SFMBT1: variants seen among roughly 807,000 people sequenced by gnomAD.
SFMBT1 encodes Scm like with four mbt domains 1, also known as scm-like with four MBT domains protein 1.
SFMBT1 carries 32 observed loss-of-function variants against 108.7 expected under a neutral mutation model. That is an observed-to-expected ratio of 0.29 (90% CI 0.22 to 0.40). SFMBT1 has a LOEUF of 0.40. Among genes scored for constraint, SFMBT1 ranks in the 10% least tolerant of loss-of-function variants. The probability of loss-of-function intolerance (pLI) is 1.00; values close to 1 mark genes in which losing one functional copy is unlikely to be tolerated. For missense variants in SFMBT1, 816 were observed against 1,059.6 expected, an observed-to-expected ratio of 0.77 and a Z score of 3.19; for synonymous variants, 348 against 369.5, an observed-to-expected ratio of 0.94 and a Z score of 0.67.
chr3:53,036,176 A>T (rs897152216), intron 1 of SFMBT1, among the ~76,000 whole-genome samples: 3 of 152,222 alleles, frequency 2.0e-5, no homozygotes, highest in Non-Finnish European at 4.4e-5. Context: ...TGCAGAATCC[A>T]CTGGGAAGGC....
intron 12 of SFMBT1, among the ~76,000 whole-genome samples, chr3:52,919,912 G>A (rs1323273599): frequency 6.6e-6 from 1 of 152,242 alleles, no homozygotes; most frequent in East Asian, 1.9e-4. Context: ...ATCCACCAAT[G>A]TGCTGGTATG....
chr3:52,934,662 T>C (rs1702951947), intron 5 of SFMBT1, 151 bp downstream of exon 5: 2 of 551,194 alleles, frequency 3.6e-6, no homozygotes, highest in African/African-American at 3.8e-5. Context: ...TTGCAACCTC[T>C]GAGGGTAAGT....
intron 2 of SFMBT1, among the ~76,000 whole-genome samples, chr3:52,955,633 A>T (rs1479981918): frequency 6.6e-6 from 1 of 152,050 alleles, no homozygotes; most frequent in African/African-American, 2.4e-5. Flanking sequence ...GGACACATAC[A>T]CCCTCCCAAG....
intron 3 of SFMBT1, among the ~76,000 whole-genome samples, chr3:52,944,664 C>G (rs945084825): frequency 6.6e-6 from 1 of 151,808 alleles, no homozygotes; most frequent in African/African-American, 2.4e-5. Flanking sequence ...GGGTTACAGG[C>G]GCCCGCCACA....
chr3:52,932,140 A>T lies in SFMBT1; in HGVS notation c.622T>A (p.Trp208Arg). ...AGAAATGGATCCAAGTAATACAACC[A>T]ATGTTCATAATTGTCAGAACTTTCA... ...GLESSDNYEHWLYYLDPFLHH... is the reference protein window; with the variant it reads ...GLESSDNYEHRLYYLDPFLHH... Residue 208 changes from tryptophan (W) to arginine (R), a missense_variant, in exon 6 of 21, where the codon TGG (tryptophan) becomes AGG (arginine). Physicochemically the swap from Trp to Arg is moderately radical, Grantham distance 101 (BLOSUM62 -3). Around this residue, in one of 5 missense-constraint regions of SFMBT1, gnomAD observed 495 missense variants for 607.4 expected, o/e 0.81. Transcript: ENST00000394752. The T allele has an allele frequency of 6.2e-7, 1 of 1,614,184 alleles. No homozygotes were observed. Among genetic ancestry groups the T allele is most frequent in the Non-Finnish European group, 8.5e-7 (1 of 1,180,028 alleles).
intron 17 of SFMBT1, among the ~76,000 whole-genome samples, chr3:52,908,465 G>A (rs1702132487): frequency 6.6e-6 from 1 of 152,150 alleles, no homozygotes; most frequent in Admixed American, 6.5e-5. Flanking sequence ...TTGTACCAGT[G>A]CTATTTGTTA....
chr3:53,032,302 G>C (rs200247663), intron 1 of SFMBT1, among the ~76,000 whole-genome samples: 1 of 152,152 alleles, frequency 6.6e-6, no homozygotes, highest in Non-Finnish European at 1.5e-5. Context: ...CCCAGGAGGC[G>C]GAGGCTGCAG....
intron 14 of SFMBT1, among the ~76,000 whole-genome samples, chr3:52,914,865 G>C (rs1374307960): frequency 6.6e-6 from 1 of 152,166 alleles, no homozygotes; most frequent in Admixed American, 6.5e-5. Context: ...TCATACCCCT[G>C]CTGCTGGGTA....
chr3:53,002,642 T>C (rs963861349), intron 1 of SFMBT1, among the ~76,000 whole-genome samples: 3 of 149,758 alleles, frequency 2.0e-5, no homozygotes, highest in Non-Finnish European at 3.0e-5. Context: ...AAACTCACAG[T>C]CCAAGGCCAC....
Position 52,946,432 on chromosome 3 carries a change from T to C in SFMBT1, c.124-2839A>G, listed in dbSNP as rs868565500. ...TTTCCACACTATGTTAATGAAATTA[T>C]GCGGTATGAATATTTTTTGAGTGGA... On this transcript the variant is annotated intron_variant, in intron 3 of 20. Coordinates refer to ENST00000394752, the MANE Select transcript of SFMBT1 (RefSeq NM_016329.4). Among the ~76,000 whole-genome samples, 5 of 152,382 alleles carry C rather than the reference T, an allele frequency of 3.3e-5. No individual in the cohort carries two copies. The Middle Eastern group carries it at 0.017, about 518-fold the overall frequency.
At chr3:52,926,757 C>G (rs748725489) in intron 9 of SFMBT1, among the ~76,000 whole-genome samples, 1 of 152,162 alleles carries the variant, frequency 6.6e-6, no homozygotes, top group Non-Finnish European at 1.5e-5. Context: ...GCTGACTCAG[C>G]ACCATCTACA....
intron 1 of SFMBT1, among the ~76,000 whole-genome samples, chr3:53,001,883 C>T (rs1479031994): frequency 6.9e-6 from 1 of 145,762 alleles, no homozygotes; most frequent in East Asian, 2.0e-4. Flanking sequence ...ACTGATCCTG[C>T]CACCGCATTC....
intron 1 of SFMBT1, among the ~76,000 whole-genome samples, chr3:52,991,931 A>G (rs1369860332): frequency 1.3e-5 from 2 of 152,240 alleles, no homozygotes; most frequent in Non-Finnish European, 2.9e-5. Flanking sequence ...GTTCTGTCAT[A>G]GCAGCACAAA....
At chr3:52,940,598 A>G (rs1308422323) in intron 4 of SFMBT1, among the ~76,000 whole-genome samples, 1 of 152,220 alleles carries the variant, frequency 6.6e-6, no homozygotes, top group Non-Finnish European at 1.5e-5. Context: ...GTATAGTAGA[A>G]AGCCAATTAA....
intron 3 of SFMBT1, among the ~76,000 whole-genome samples, chr3:52,950,687 T>C (rs928279350): frequency 1.3e-5 from 2 of 151,890 alleles, no homozygotes; most frequent in African/African-American, 4.8e-5. Context: ...TCGGCCAGGC[T>C]GGTCTTGAAC....
chr3:53,001,683 G>C (rs1416298054), intron 1 of SFMBT1, among the ~76,000 whole-genome samples: 3 of 148,780 alleles, frequency 2.0e-5, no homozygotes, highest in Non-Finnish European at 4.5e-5. Flanking sequence ...CAAAGCAGGA[G>C]GACCACTTGA....
chr3:52,961,555 C>T (rs1313813265), intron 2 of SFMBT1, among the ~76,000 whole-genome samples: 1 of 152,096 alleles, frequency 6.6e-6, no homozygotes, highest in Non-Finnish European at 1.5e-5. Context: ...CTGCAAGACC[C>T]CACCGCTTTA....
chr3:53,012,682 G>A (rs1311123060), intron 1 of SFMBT1, among the ~76,000 whole-genome samples: 2 of 151,608 alleles, frequency 1.3e-5, no homozygotes, highest in African/African-American at 4.9e-5. Context: ...GATTACAGGC[G>A]TGAGCCACCG....
intron 1 of SFMBT1, among the ~76,000 whole-genome samples, chr3:52,977,343 T>C (rs1483452825): frequency 6.6e-6 from 1 of 152,018 alleles, no homozygotes; most frequent in African/African-American, 2.4e-5. Flanking sequence ...ACCCAGTTTC[T>C]ACTAAAAATA....
Sources: allele counts gnomAD v4.1 joint callset (sites outside exome capture counted in the v4.1 genomes callset), GRCh38; gene constraint gnomAD v4.1.1; regional missense constraint gnomAD v4.1.1; transcripts MANE v1.5; gene names NCBI Gene and HGNC (gene_info 2026-07-23, HGNC 2026-07-21).